RGPD1: variants seen among roughly 807,000 people sequenced by gnomAD.
The protein encoded by RGPD1 is RANBP2 like and GRIP domain containing 1, also known as RANBP2-like and GRIP domain-containing protein 1.
Under a neutral mutation model 40.6 loss-of-function variants are expected in RGPD1, and 7 were observed. The ratio of observed to expected loss-of-function variants is 0.17; its 90% CI spans 0.10 to 0.32. The LOEUF (loss-of-function observed/expected upper bound fraction) is 0.32, where lower values mean the gene tolerates loss of function less well. Among genes scored for constraint, RGPD1 ranks in the 10% least tolerant of loss-of-function variants. RGPD1 has a pLI of 1.00. For synonymous variants in RGPD1, 24 were observed against 167.0 expected, an observed-to-expected ratio of 0.14 and a Z score of 6.60; for missense variants, 50 against 472.5, an observed-to-expected ratio of 0.11 and a Z score of 8.29.
chr2:86,942,805 T>A (rs1679981874), intron 1 of RGPD1, among the ~76,000 whole-genome samples: 1 of 151,706 alleles, frequency 6.6e-6, no homozygotes, highest in Non-Finnish European at 1.5e-5. Context: ...CGCAGTCCTG[T>A]GGGCGGCGTG....
chr2:86,918,018 A>G (rs1677838133), intron 1 of RGPD1, among the ~76,000 whole-genome samples: 1 of 140,980 alleles, frequency 7.1e-6, no homozygotes, highest in South Asian at 2.4e-4. Flanking sequence ...CAGATCTGTG[A>G]TTTTTTAAAA....
At chr2:86,922,991 T>TA (rs1678136914) in intron 1 of RGPD1, among the ~76,000 whole-genome samples, 1 of 118,180 alleles carries the variant, frequency 8.5e-6, no homozygotes, top group Non-Finnish European at 1.7e-5. Flanking sequence ...CAGTGTTTTT[T>TA]AAATTAAGGT....
At chr2:86,943,044 A>G (rs1169773265) in intron 1 of RGPD1, among the ~76,000 whole-genome samples, 1 of 150,214 alleles carries the variant, frequency 6.7e-6, no homozygotes. Context: ...TTTACTTTAT[A>G]TGCTGCGGCG....
At chr2:87,009,031 C>T (rs924886278) in intron 22 of RGPD1, among the ~76,000 whole-genome samples, 1 of 150,072 alleles carries the variant, frequency 6.7e-6, no homozygotes, top group Non-Finnish European at 1.5e-5. Context: ...GAAAGCCAGG[C>T]ATGGTGGCTT....
intron 1 of RGPD1, among the ~76,000 whole-genome samples, chr2:86,914,644 GGGCGGC>G (rs1181852229): frequency 5.3e-4 from 4 of 7,556 alleles, no homozygotes; most frequent in Non-Finnish European, 8.3e-4. Context: ...CGACCTGGCC[GGGCGGC>G]GGCGGCGGCG....
At chr2:86,960,577 G>T (rs1229878286) in intron 6 of RGPD1, among the ~76,000 whole-genome samples, 1 of 128,720 alleles carries the variant, frequency 7.8e-6, no homozygotes, top group Non-Finnish European at 1.6e-5. Flanking sequence ...CATCATGTTG[G>T]CCAGGATGGT....
chr2:86,942,345 GGCCGGGCGGCGGCCTCGACC>G, intron 1 of RGPD1, 37 bp downstream of exon 1: 1 of 951,974 alleles, frequency 1.1e-6, no homozygotes, highest in Non-Finnish European at 1.3e-6. Flanking sequence ...GCCTCGACCT[GGCCGGGCGGCGGCCTCGACC>G]TGGCCGGGCG....
At chr2:86,931,556 T>A (rs1036267615) in intron 1 of RGPD1, among the ~76,000 whole-genome samples, 1 of 152,058 alleles carries the variant, frequency 6.6e-6, no homozygotes, top group Non-Finnish European at 1.5e-5. Flanking sequence ...TTATTACTCT[T>A]GGCAAAGAGC....
intron 1 of RGPD1, among the ~76,000 whole-genome samples, chr2:86,925,117 T>G (rs1214060442): frequency 6.6e-6 from 1 of 152,206 alleles, no homozygotes; most frequent in Non-Finnish European, 1.5e-5. Flanking sequence ...AACTTGTAAA[T>G]TAGATTTTAA....
Position 86,913,891 on chromosome 2 carries a change from G to C in RGPD1, c.42G>C (p.Ser14=), listed in dbSNP as rs750546775. The C allele has an allele frequency of 4.4e-6, 7 of 1,573,768 alleles. 1 individual carries two copies. The highest frequency in any genetic ancestry group is 4.1e-5 in the African/African-American group (3 of 72,472). The change falls in exon 1 of 23, where the codon TCG becomes TCC. Residue 14 remains serine (S), a synonymous_variant. Transcript: ENST00000398193. ...CCTACGGGGAGCGGTACCTCGCCTC[G>C]GTGCAGGGCTCCGCCCCGTCGCCTG... is the stretch of plus-strand genomic sequence containing the variant.
intron 2 of RGPD1, among the ~76,000 whole-genome samples, chr2:86,951,873 GT>G (rs71269535): frequency 0.085 from 4,305 of 50,866 alleles, 284 homozygotes; most frequent in African/African-American, 0.29. Context: ...GGGAGGCAGG[GT>G]TTTTTTTTTT....
At position 86,913,873 on chromosome 2, in the gene RGPD1, G is replaced by A. The variant is rs370050264; in HGVS notation, c.24G>A (p.Gly8=). Reference sequence around the variant, plus strand: ...CGATGAGGCGCAGCAAGGCCTACGGGGAGCGGTACCTCGCCTCGGTGCAGG... The same window carrying A: ...CGATGAGGCGCAGCAAGGCCTACGGAGAGCGGTACCTCGCCTCGGTGCAGG... The change falls in exon 1 of 23, where the codon GGG becomes GGA. Residue 8 remains glycine (G), a synonymous_variant. Transcript: ENST00000398193. The A allele has an allele frequency of 3.8e-6, 6 of 1,581,430 alleles. No individual in the cohort carries two copies. In the African/African-American group the frequency reaches 8.2e-5, roughly 22 times the overall value.
At chr2:86,939,618 C>T (rs1409588903), upstream of RGPD1, among the ~76,000 whole-genome samples, 1 of 138,096 alleles carries the variant, frequency 7.2e-6, no homozygotes, top group African/African-American at 2.8e-5. Flanking sequence ...AAAGAAGGTT[C>T]TCTCTTTGGG....
At chr2:86,939,654 AAATGAATT>A (rs1180123309), upstream of RGPD1, among the ~76,000 whole-genome samples, 3 of 136,708 alleles carry the variant, frequency 2.2e-5, no homozygotes, top group Non-Finnish European at 4.7e-5. Flanking sequence ...TATTCAGCAT[AAATGAATT>A]AATGATACCA....
chr2:86,960,176 G>A (rs1680876769), intron 6 of RGPD1, among the ~76,000 whole-genome samples: 1 of 103,760 alleles, frequency 9.6e-6, no homozygotes, highest in Admixed American at 8.8e-5. Context: ...GGGCCTGAGG[G>A]GAGGACCCTG....
At chr2:86,915,280 A>G (rs766222307) in intron 1 of RGPD1, among the ~76,000 whole-genome samples, 3 of 150,826 alleles carry the variant, frequency 2.0e-5, no homozygotes, top group Admixed American at 6.6e-5. Context: ...TAGGTGATAG[A>G]GTTAGGGTTA....
upstream of RGPD1, among the ~76,000 whole-genome samples, chr2:86,937,390 A>G (rs1679427393): frequency 6.6e-6 from 1 of 151,740 alleles, no homozygotes; most frequent in East Asian, 1.9e-4. Flanking sequence ...CAGTTTGACT[A>G]TAGGTTAGTC....
intron 1 of RGPD1, among the ~76,000 whole-genome samples, chr2:86,918,718 C>T (rs1283641298): frequency 6.9e-6 from 1 of 144,412 alleles, no homozygotes; most frequent in Non-Finnish European, 1.5e-5. Context: ...CTCAGCCTCC[C>T]AAAGTGCTGG....
chr2:86,941,897 A>C (rs1231833212), upstream of RGPD1, among the ~76,000 whole-genome samples: 1 of 151,740 alleles, frequency 6.6e-6, no homozygotes, highest in Non-Finnish European at 1.5e-5. Context: ...TTTTTAGTAG[A>C]GATGGGTTTT....
Sources: gnomAD v4.1 joint callset for allele counts (sites outside exome capture counted in the v4.1 genomes callset) on GRCh38, gnomAD v4.1.1 for gene constraint, MANE v1.5 for transcripts, NCBI Gene and HGNC (gene_info 2026-07-23, HGNC 2026-07-21) for gene names.